CCDC3: variants seen among roughly 807,000 people sequenced by gnomAD.
The protein encoded by CCDC3 is coiled-coil domain containing 3, also known as coiled-coil domain-containing protein 3.
CCDC3 carries 24 observed loss-of-function variants against 21.4 expected under a neutral mutation model. The ratio of observed to expected loss-of-function variants is 1.12; its 90% CI spans 0.81 to 1.58. CCDC3 has a LOEUF of 1.58. CCDC3 is among the 40% of genes most tolerant of loss of function. The pLI, the probability that CCDC3 is intolerant of heterozygous loss-of-function variation, is 0.00. For synonymous variants in CCDC3, 186 were observed against 166.0 expected (o/e 1.12, Z -0.93); for missense variants, 425 against 360.9 (o/e 1.18, Z -1.44).
chr10:12,919,255 C>T (rs918913396), intron 2 of CCDC3, among the ~76,000 whole-genome samples: 1 of 152,106 alleles, frequency 6.6e-6, no homozygotes, highest in African/African-American at 2.4e-5. Context: ...CATTTTTACA[C>T]AGATCATGTA....
chr10:13,058,925 T>G (rs868039057), intron 4 of CCDC3, among the ~76,000 whole-genome samples: 11 of 152,148 alleles, frequency 7.2e-5, no homozygotes, highest in Admixed American at 6.5e-4. Context: ...ATATTCTAAT[T>G]GCTTCACATA....
chr10:13,065,880 T>A (rs1836815320), intron 4 of CCDC3, among the ~76,000 whole-genome samples: 1 of 152,212 alleles, frequency 6.6e-6, no homozygotes, highest in Non-Finnish European at 1.5e-5. Context: ...CAAGTCCACA[T>A]CACCATGTAC....
At chr10:13,091,460 A>G (rs1272538459) in intron 3 of CCDC3, among the ~76,000 whole-genome samples, 1 of 152,124 alleles carries the variant, frequency 6.6e-6, no homozygotes, top group Non-Finnish European at 1.5e-5. Context: ...CTCACCAGAC[A>G]CTGCCAGTGC....
At chr10:13,084,555 G>T (rs1190571411) in intron 3 of CCDC3, among the ~76,000 whole-genome samples, 2 of 152,124 alleles carry the variant, frequency 1.3e-5, no homozygotes, top group Admixed American at 1.3e-4. Flanking sequence ...CCAAAGTGCT[G>T]GGATTACAGG....
At chr10:13,021,382 T>G (rs2131405177) in intron 5 of CCDC3, among the ~76,000 whole-genome samples, 1 of 152,288 alleles carries the variant, frequency 6.6e-6, no homozygotes, top group Non-Finnish European at 1.5e-5. Context: ...GTCAACTCTC[T>G]CCTTGTTTTA....
At chr10:13,018,685 T>G (rs493493) in intron 5 of CCDC3, among the ~76,000 whole-genome samples, 7 of 151,998 alleles carry the variant, frequency 4.6e-5, no homozygotes, top group African/African-American at 7.2e-5. Flanking sequence ...AATCCCAGCA[T>G]TTTGGGAGGC....
intron 2 of CCDC3, among the ~76,000 whole-genome samples, chr10:12,955,576 A>G (rs1835071028): frequency 1.3e-5 from 2 of 152,090 alleles, no homozygotes; most frequent in South Asian, 4.1e-4. Flanking sequence ...TTTGAGAGAC[A>G]GGGTCTTGAT....
At chr10:13,067,310 C>T (rs1342829150) in intron 4 of CCDC3, among the ~76,000 whole-genome samples, 1 of 152,206 alleles carries the variant, frequency 6.6e-6, no homozygotes, top group South Asian at 2.1e-4. Flanking sequence ...AGGTATTTTC[C>T]CCAGGCATCT....
chr10:12,977,227 G>A (rs1021429109), intron 2 of CCDC3, among the ~76,000 whole-genome samples: 3 of 151,926 alleles, frequency 2.0e-5, no homozygotes, highest in South Asian at 4.2e-4. Flanking sequence ...GTGAGCTGAA[G>A]TTGCGCCACT....
chr10:12,941,534 T>C (rs1284251393), intron 2 of CCDC3, among the ~76,000 whole-genome samples: 1 of 152,168 alleles, frequency 6.6e-6, no homozygotes. Context: ...TGGCACTGAA[T>C]ACAAATGTTG....
At chr10:12,955,167 A>G (rs961756734) in intron 2 of CCDC3, among the ~76,000 whole-genome samples, 3 of 152,252 alleles carry the variant, frequency 2.0e-5, no homozygotes. Context: ...TGGTATACCC[A>G]GTGAAGTGAT....
intron 5 of CCDC3, among the ~76,000 whole-genome samples, chr10:13,032,285 C>T (rs1243513470): frequency 6.6e-6 from 1 of 152,176 alleles, no homozygotes; most frequent in African/African-American, 2.4e-5. Flanking sequence ...CGACAAAATT[C>T]AACAGCCCTT....
chr10:13,052,024 C>T (rs752384397), intron 4 of CCDC3, among the ~76,000 whole-genome samples: 1 of 151,928 alleles, frequency 6.6e-6, no homozygotes, highest in Non-Finnish European at 1.5e-5. Context: ...ATAGGAGGGC[C>T]CCTTTTATGG....
At chr10:13,078,858 C>G (rs4282892) in intron 3 of CCDC3, among the ~76,000 whole-genome samples, 8 of 138,414 alleles carry the variant, frequency 5.8e-5, no homozygotes, top group Admixed American at 1.5e-4. Context: ...CGGGGCCTGT[C>G]GTGGGGTGGG....
At chr10:13,077,685 A>C (rs1836983652) in intron 3 of CCDC3, among the ~76,000 whole-genome samples, 1 of 152,158 alleles carries the variant, frequency 6.6e-6, no homozygotes, top group African/African-American at 2.4e-5. Flanking sequence ...AACACAACAG[A>C]GCCCTCAGAA....
intron 2 of CCDC3, among the ~76,000 whole-genome samples, chr10:12,916,151 G>C (rs1479832040): frequency 6.6e-6 from 1 of 152,108 alleles, no homozygotes; most frequent in African/African-American, 2.4e-5. Flanking sequence ...ATGCCAACCT[G>C]GGCCAGGCGC....
chr10:12,968,673 T>A (rs1272501740), intron 2 of CCDC3, among the ~76,000 whole-genome samples: 2 of 152,182 alleles, frequency 1.3e-5, no homozygotes, highest in African/African-American at 4.8e-5. Context: ...ATAGCTATAA[T>A]TTTTTAAGGG....
upstream of CCDC3, among the ~76,000 whole-genome samples, chr10:13,003,552 C>A (rs1033428635): frequency 7.9e-5 from 12 of 152,214 alleles, no homozygotes; most frequent in Non-Finnish European, 4.4e-5. Context: ...AGCAGAGTCA[C>A]CAATGATGGC....
intron 5 of CCDC3, among the ~76,000 whole-genome samples, chr10:13,021,099 G>T (rs887440781): frequency 2.0e-5 from 3 of 152,204 alleles, no homozygotes; most frequent in Admixed American, 1.3e-4. Context: ...ACTCAAAAGT[G>T]TAGGCTTTGA....
Sources: allele counts gnomAD v4.1 joint callset (sites outside exome capture counted in the v4.1 genomes callset), GRCh38; gene constraint gnomAD v4.1.1; transcripts MANE v1.5; gene names NCBI Gene and HGNC (gene_info 2026-07-23, HGNC 2026-07-21).